Variants in NCOA1 observed in about 807,000 individuals in gnomAD.
The protein encoded by NCOA1 is nuclear receptor coactivator 1.
A neutral mutation model predicts 150.9 loss-of-function variants in NCOA1; 35 were observed. The observed-to-expected ratio is 0.23, with a 90% CI of 0.18 to 0.31. NCOA1 has a LOEUF of 0.31. NCOA1 is among the 10% of genes least tolerant of loss of function. The probability of loss-of-function intolerance (pLI) is 1.00; values close to 1 mark genes in which losing one functional copy is unlikely to be tolerated. For synonymous variants in NCOA1, 590 were observed against 630.0 expected (o/e 0.94, Z 0.95); for missense variants, 1,491 against 1,749.3 (o/e 0.85, Z 2.63).
chr2:24,508,468 C>T (rs1389354679), intron 1 of NCOA1, among the ~76,000 whole-genome samples: 1 of 151,824 alleles, frequency 6.6e-6, no homozygotes, highest in Non-Finnish European at 1.5e-5. Flanking sequence ...CTAGAATATT[C>T]CTGAATATTC....
At chr2:24,625,006 A>G (rs1481617808) in intron 3 of NCOA1, among the ~76,000 whole-genome samples, 1 of 152,226 alleles carries the variant, frequency 6.6e-6, no homozygotes, top group Non-Finnish European at 1.5e-5. Context: ...TCATAAACAA[A>G]TGAGTGTGAG....
intron 21 of NCOA1, among the ~76,000 whole-genome samples, chr2:24,762,345 G>A (rs934767696): frequency 5.9e-5 from 9 of 152,168 alleles, no homozygotes; most frequent in Non-Finnish European, 1.0e-4. Context: ...ATTAACATAT[G>A]TATGTGTGAA....
chr2:24,651,305 G>T (rs1048685520), intron 4 of NCOA1, among the ~76,000 whole-genome samples: 6 of 152,010 alleles, frequency 3.9e-5, no homozygotes, highest in African/African-American at 7.2e-5. Flanking sequence ...CAACCTAGGG[G>T]TTGCTCAGTG....
intron 3 of NCOA1, among the ~76,000 whole-genome samples, chr2:24,616,872 G>A (rs1223680433): frequency 1.3e-5 from 2 of 152,096 alleles, no homozygotes; most frequent in African/African-American, 4.8e-5. Context: ...AAAGAGGAAG[G>A]GAAAAATGAA....
chr2:24,563,266 G>A (rs1052759063), intron 1 of NCOA1, among the ~76,000 whole-genome samples: 2 of 152,148 alleles, frequency 1.3e-5, no homozygotes, highest in African/African-American at 4.8e-5. Flanking sequence ...CATAACTGGG[G>A]GCATGTAAAT....
intron 17 of NCOA1, among the ~76,000 whole-genome samples, chr2:24,736,114 G>A (rs1014136177): frequency 2.6e-5 from 4 of 151,898 alleles, no homozygotes; most frequent in African/African-American, 9.7e-5. Flanking sequence ...CCAGCCACTT[G>A]GGAGGCTGAG....
In NCOA1 at chr2:24,658,717, C is replaced by T. The variant is rs1191570278; in HGVS notation, c.40C>T (p.Pro14Ser). The T allele has an allele frequency of 6.2e-7, 1 of 1,613,920 alleles. No homozygotes were observed. Among genetic ancestry groups the T allele is most frequent in the African/African-American group, 1.3e-5 (1 of 74,892 alleles). The change falls in exon 5 of 23, where the codon CCA becomes TCA. Residue 14 changes from proline to serine, a missense_variant. This residue lies in a region of NCOA1 where 40 missense variants were observed against 39.6 expected (regional missense o/e 1.01). Transcript: ENST00000348332. ...LGDSSSDPAN[P>S]DSHKRKGSPC... ...GGACAGTTCATCCGACCCTGCTAACCCAGACTCACATAAGAGGAAAGGATC... is the reference window on the plus strand; with the variant it reads ...GGACAGTTCATCCGACCCTGCTAACTCAGACTCACATAAGAGGAAAGGATC...
chr2:24,761,457 C>T (rs555268485), intron 21 of NCOA1, among the ~76,000 whole-genome samples: 10 of 152,190 alleles, frequency 6.6e-5, no homozygotes, highest in Admixed American at 5.2e-4. Flanking sequence ...TATTTGGATC[C>T]TTTTTATATC....
intron 3 of NCOA1, among the ~76,000 whole-genome samples, chr2:24,603,935 TATATA>T (rs746393602): frequency 2.0e-5 from 3 of 152,242 alleles, no homozygotes; most frequent in Non-Finnish European, 4.4e-5. Context: ...GTTATAGCCT[TATATA>T]ATATATTTCT....
Position 24,706,604 on chromosome 2 carries a change from T to A in NCOA1, c.1134T>A (p.Asn378Lys), listed in dbSNP as rs1015634733. ...HSGLSPQDDT[N>K]SGMSIPRVNP... The stretch of plus-strand genomic sequence containing the variant: ...GGCTTTCTCCTCAAGATGACACTAA[T>A]TCTGGAATGTCAATTCCCCGAGTAA... Residue 378 changes from asparagine to lysine, a missense_variant, in exon 13 of 23, where the codon AAT becomes AAA. Coordinates refer to ENST00000348332, the MANE Select transcript of NCOA1 (RefSeq NM_003743.5). The A allele has an allele frequency of 4.5e-5, 72 of 1,613,822 alleles. No individual in the cohort carries two copies. Among genetic ancestry groups the A allele is most frequent in the Non-Finnish European group, 6.1e-5 (72 of 1,179,824 alleles).
chr2:24,672,804 A>C (rs1671744910), intron 6 of NCOA1, among the ~76,000 whole-genome samples: 1 of 152,196 alleles, frequency 6.6e-6, no homozygotes, highest in African/African-American at 2.4e-5. Context: ...TTATTATTTA[A>C]ATATGATTCT....
chr2:24,600,203 G>T (rs79286545), intron 3 of NCOA1, among the ~76,000 whole-genome samples: 4,738 of 151,914 alleles, frequency 0.031, 112 homozygotes, highest in East Asian at 0.1. Flanking sequence ...ATGTTTTTTT[G>T]TTGTTGTTGT....
intron 1 of NCOA1, among the ~76,000 whole-genome samples, chr2:24,545,414 T>A (rs931910827): frequency 1.3e-5 from 2 of 151,990 alleles, no homozygotes; most frequent in Non-Finnish European, 2.9e-5. Flanking sequence ...AAGCATAAAA[T>A]AAATATCCCT....
intron 20 of NCOA1, among the ~76,000 whole-genome samples, chr2:24,753,093 G>A (rs1664329361): frequency 6.6e-6 from 1 of 152,196 alleles, no homozygotes; most frequent in Non-Finnish European, 1.5e-5. Flanking sequence ...TTAGAGAACT[G>A]TGTAGGTCTC....
chr2:24,544,524 T>G (rs549164399), intron 1 of NCOA1, among the ~76,000 whole-genome samples: 1 of 152,176 alleles, frequency 6.6e-6, no homozygotes, highest in South Asian at 2.1e-4. Flanking sequence ...GGTGGATTGC[T>G]TGAGTTCAGG....
intron 3 of NCOA1, 84 bp from the exon 4 acceptor site, chr2:24,643,882 G>A (rs1670346291): frequency 6.6e-6 from 1 of 151,460 alleles, no homozygotes; most frequent in Non-Finnish European, 1.5e-5. Flanking sequence ...TCTTTTTCTA[G>A]CATATCTGAC....
intron 1 of NCOA1, among the ~76,000 whole-genome samples, chr2:24,522,573 A>G (rs906710619): frequency 8.5e-5 from 13 of 152,212 alleles, no homozygotes; most frequent in Admixed American, 7.9e-4. Context: ...GGAGTGCCCA[A>G]CTGTGAGAGC....
chr2:24,656,489 C>G (rs1178236314), intron 4 of NCOA1, among the ~76,000 whole-genome samples: 2 of 151,686 alleles, frequency 1.3e-5, no homozygotes, highest in Non-Finnish European at 3.0e-5. Flanking sequence ...CATTCAAAAT[C>G]TACTCTTTTT....
chr2:24,645,163 T>C (rs1017200573), intron 4 of NCOA1, among the ~76,000 whole-genome samples: 1 of 152,000 alleles, frequency 6.6e-6, no homozygotes, highest in South Asian at 2.1e-4. Context: ...TAAGAAGATA[T>C]TCATCTAATC....
Sources: allele counts gnomAD v4.1 joint callset (sites outside exome capture counted in the v4.1 genomes callset), GRCh38; gene constraint gnomAD v4.1.1; regional missense constraint gnomAD v4.1.1; transcripts MANE v1.5; gene names NCBI Gene and HGNC (gene_info 2026-07-23, HGNC 2026-07-21).